CNTN6: variants seen among roughly 807,000 people sequenced by gnomAD.
CNTN6 encodes the protein contactin 6, also known as contactin-6.
A neutral mutation model predicts 122.8 loss-of-function variants in CNTN6; 137 were observed. That is an observed-to-expected ratio of 1.12 (90% CI 0.97 to 1.29). The LOEUF is 1.29. CNTN6 is among the 50% of genes most tolerant of loss of function. The pLI, the probability that CNTN6 is intolerant of heterozygous loss-of-function variation, is 0.00. For missense variants in CNTN6, 1,634 were observed against 1,223.4 expected, an observed-to-expected ratio of 1.34 and a Z score of -5.01; for synonymous variants, 570 against 426.0, an observed-to-expected ratio of 1.34 and a Z score of -4.16.
intron 4 of CNTN6, among the ~76,000 whole-genome samples, chr3:1,270,390 A>G (rs1410074910): frequency 6.6e-6 from 1 of 152,216 alleles, no homozygotes; most frequent in Non-Finnish European, 1.5e-5. Flanking sequence ...TCTTAAGAGT[A>G]TTTTAATACT....
At chr3:1,232,726 A>C (rs561967253) in intron 4 of CNTN6, among the ~76,000 whole-genome samples, 2 of 152,316 alleles carry the variant, frequency 1.3e-5, no homozygotes, top group South Asian at 4.1e-4. Flanking sequence ...CAAAACATCA[A>C]GTGAAGTGAG....
chr3:1,306,379 C>T (rs1698356372), intron 7 of CNTN6, among the ~76,000 whole-genome samples: 1 of 152,064 alleles, frequency 6.6e-6, no homozygotes, highest in Non-Finnish European at 1.5e-5. Context: ...TGACCATGCT[C>T]ACAAATCTGA....
intron 7 of CNTN6, among the ~76,000 whole-genome samples, chr3:1,318,737 C>CT (rs756685441): frequency 1.3e-5 from 2 of 151,776 alleles, no homozygotes; most frequent in Non-Finnish European, 2.9e-5. Context: ...AAGTTATACC[C>CT]TAGAAGCCAG....
chr3:1,343,821 G>A (rs547852443), intron 11 of CNTN6, among the ~76,000 whole-genome samples: 1 of 152,162 alleles, frequency 6.6e-6, no homozygotes, highest in African/African-American at 2.4e-5. Context: ...TCAAGCAACT[G>A]CTCCTAAATT....
At chr3:1,099,357 G>A (rs9879861) in intron 1 of CNTN6, among the ~76,000 whole-genome samples, 91,112 of 151,328 alleles carry the variant, frequency 0.6, 27,972 homozygotes, top group East Asian at 0.79. Context: ...AGGCTGAGGC[G>A]GGAGAATGGC....
At chr3:1,179,553 G>A (rs1177745064) in intron 2 of CNTN6, among the ~76,000 whole-genome samples, 1 of 152,160 alleles carries the variant, frequency 6.6e-6, no homozygotes, top group Non-Finnish European at 1.5e-5. Context: ...GAAGGGAGTA[G>A]AGTTTTATTT....
intron 2 of CNTN6, among the ~76,000 whole-genome samples, chr3:1,201,883 T>C (rs2093876948): frequency 6.6e-6 from 1 of 151,086 alleles, no homozygotes; most frequent in South Asian, 2.1e-4. Context: ...GATTAAAAAT[T>C]GATGGGATAG....
At chr3:1,372,180 A>G in intron 12 of CNTN6, 119 bp from the exon 13 acceptor site, 3 of 639,884 alleles carry the variant, frequency 4.7e-6, no homozygotes, top group Non-Finnish European at 7.5e-6. Context: ...TGGACATTGT[A>G]GAACTCCAGG....
At chr3:1,269,693 T>A (rs139317933) in intron 4 of CNTN6, among the ~76,000 whole-genome samples, 13 of 152,332 alleles carry the variant, frequency 8.5e-5, no homozygotes, top group African/African-American at 2.9e-4. Flanking sequence ...ATTGGTTTAC[T>A]TGTTTAATTT....
intron 11 of CNTN6, among the ~76,000 whole-genome samples, chr3:1,341,056 A>G (rs982476510): frequency 3.4e-4 from 51 of 152,158 alleles, no homozygotes; most frequent in Non-Finnish European, 6.6e-4. Context: ...TCATAGTCAT[A>G]AATGTAATAA....
At chr3:1,362,974 C>A (rs925533602) in intron 12 of CNTN6, among the ~76,000 whole-genome samples, 1 of 151,852 alleles carries the variant, frequency 6.6e-6, no homozygotes, top group African/African-American at 2.4e-5. Context: ...AATGAAATGA[C>A]ATTTTTAATG....
chr3:1,319,047 T>A (rs1575682740), intron 7 of CNTN6, among the ~76,000 whole-genome samples: 1 of 151,752 alleles, frequency 6.6e-6, no homozygotes, highest in Non-Finnish European at 1.5e-5. Flanking sequence ...AAGACTTTAA[T>A]GTTGTCACTG....
At chr3:1,197,470 G>A (rs1362822077) in intron 2 of CNTN6, among the ~76,000 whole-genome samples, 1 of 152,132 alleles carries the variant, frequency 6.6e-6, no homozygotes, top group African/African-American at 2.4e-5. Flanking sequence ...GCAGTAAGTG[G>A]GCATTTTTAT....
At chr3:1,341,068 A>G (rs189006581) in intron 11 of CNTN6, among the ~76,000 whole-genome samples, 136 of 152,288 alleles carry the variant, frequency 8.9e-4, no homozygotes, top group Admixed American at 3.5e-3. Flanking sequence ...ATGTAATAAT[A>G]GCATAGGCAG....
chr3:1,401,683 C>A, intron 21 of CNTN6, 138 bp downstream of exon 21: 1 of 613,176 alleles, frequency 1.6e-6, no homozygotes, highest in Non-Finnish European at 2.9e-6. Flanking sequence ...AATACCATTG[C>A]TGCTTTCTAA....
chr3:1,402,435 G>A lies in CNTN6; in HGVS notation c.2935G>A (p.Asp979Asn), dbSNP rs915535610. 4.3e-6 allele frequency: 7 copies of A among 1,612,076 alleles called. No individual in the cohort carries two copies. Among genetic ancestry groups the A allele is most frequent in the Non-Finnish European group, 5.1e-6 (6 of 1,178,724 alleles). Residue 979 changes from aspartate to asparagine, a missense_variant, in exon 22 of 23, where the codon GAT becomes AAT. Coordinates refer to ENST00000446702, the MANE Select transcript of CNTN6 (RefSeq NM_001289080.2). ...CTTAATTGAAATAAGAACAGTCAGT[G>A]ATGGTGGAGATGGAAGCAGCAGTGA... The part of the protein sequence containing the change: ...DYLIEIRTVS[D>N]GGDGSSSEEI...
At chr3:1,342,647 TA>T (rs956068936) in intron 11 of CNTN6, among the ~76,000 whole-genome samples, 8 of 151,634 alleles carry the variant, frequency 5.3e-5, no homozygotes, top group African/African-American at 1.9e-4. Context: ...GGACAGAGGC[TA>T]AAAAAAATAC....
chr3:1,345,334 T>C (rs1704520762), intron 11 of CNTN6, among the ~76,000 whole-genome samples: 1 of 152,076 alleles, frequency 6.6e-6, no homozygotes, highest in African/African-American at 2.4e-5. Context: ...CAGTCTGGTC[T>C]CGAACTCCTG....
At chr3:1,273,730 A>G (rs1025233171) in intron 4 of CNTN6, among the ~76,000 whole-genome samples, 2 of 152,210 alleles carry the variant, frequency 1.3e-5, no homozygotes, top group Non-Finnish European at 2.9e-5. Context: ...GACTTGTGTG[A>G]CTTTTGAGAG....
Sources: gnomAD v4.1 joint callset for allele counts (sites outside exome capture counted in the v4.1 genomes callset) on GRCh38, gnomAD v4.1.1 for gene constraint, MANE v1.5 for transcripts, NCBI Gene and HGNC (gene_info 2026-07-23, HGNC 2026-07-21) for gene names.